Variants in ZCCHC14 observed in about 807,000 individuals in gnomAD.
ZCCHC14 encodes zinc finger CCHC domain-containing protein 14.
A neutral mutation model predicts 85.0 loss-of-function variants in ZCCHC14; 16 were observed. The ratio of observed to expected loss-of-function variants is 0.19; its 90% CI spans 0.13 to 0.29. ZCCHC14 has a LOEUF of 0.29. Among genes scored for constraint, ZCCHC14 ranks in the 10% least tolerant of loss-of-function variants. The pLI is 1.00. For synonymous variants in ZCCHC14, 775 were observed against 630.7 expected, an observed-to-expected ratio of 1.23 and a Z score of -3.43; for missense variants, 1,303 against 1,443.5, an observed-to-expected ratio of 0.90 and a Z score of 1.58.
intron 2 of ZCCHC14, among the ~76,000 whole-genome samples, chr16:87,434,050 G>T (rs1250500684): frequency 6.6e-6 from 1 of 152,206 alleles, no homozygotes; most frequent in Non-Finnish European, 1.5e-5. Flanking sequence ...TCTGGGAGCA[G>T]AGCCGGGCTG....
Position 87,420,768 on chromosome 16 carries a change from G to A in ZCCHC14, c.841-52C>T. The A allele has an allele frequency of 1.4e-6, 2 of 1,467,484 alleles. No individual in the cohort carries two copies. The highest frequency in any genetic ancestry group is 2.4e-5 in the East Asian group (1 of 41,362). The allele number at this position is 1,467,484 out of a possible 1,614,324, so 90.9% of individuals were successfully genotyped here. ...GTGTGTCCAGACCCATCCAACACCA[G>A]CAGAATTCTGCTACTGCAGGAAAAC... On this transcript the variant is annotated intron_variant, in intron 4 of 12. Transcript: ENST00000671377. This position sits in a 1 kb window ranked among gnomAD's most constrained non-coding sequence, Gnocchi z 5.0.
intron 2 of ZCCHC14, among the ~76,000 whole-genome samples, chr16:87,444,088 C>T (rs181296640): frequency 4.1e-3 from 601 of 148,242 alleles, no homozygotes; most frequent in Admixed American, 6.3e-3. Context: ...AACACAGAAA[C>T]GGCCCTGTGG....
At chr16:87,458,643 T>C (rs981748447) in intron 2 of ZCCHC14, among the ~76,000 whole-genome samples, 1 of 152,058 alleles carries the variant, frequency 6.6e-6, no homozygotes, top group Non-Finnish European at 1.5e-5. Context: ...AACGGGACTT[T>C]AGAAACAAAG....
chr16:87,411,497 G>A lies in ZCCHC14; in HGVS notation c.3205+19C>T, dbSNP rs751542688. The A allele has an allele frequency of 1.4e-5, 23 of 1,611,818 alleles. No individual in the cohort carries two copies. The highest frequency in any genetic ancestry group is 4.5e-5 in the East Asian group (2 of 44,868). ...GGTCCTGCGGGAGCCTGGTGGGCGC[G>A]GCCATGGCGCGCGCTTACCTGGCCG... On this transcript the variant is annotated intron_variant, in intron 12 of 12. Coordinates refer to ENST00000671377, the MANE Select transcript of ZCCHC14 (RefSeq NM_015144.3).
rs1309135289 is a variant in ZCCHC14, at chr16:87,412,427, G to A, written c.2294C>T (p.Thr765Ile). 1 of 1,614,068 alleles carries A rather than the reference G, an allele frequency of 6.2e-7. No homozygotes were observed. Among genetic ancestry groups the A allele is most frequent in the South Asian group, 1.1e-5 (1 of 91,076 alleles). Residue 765 changes from threonine to isoleucine, a missense_variant, in exon 12 of 13, where the codon ACA becomes ATA. Thr to Ile is a moderately conservative substitution (Grantham distance 89, BLOSUM62 -1). Coordinates refer to ENST00000671377, the MANE Select transcript of ZCCHC14 (RefSeq NM_015144.3). ...TSTAATGTPS[T>I]VLHAARPPIK... Reference sequence around the variant, plus strand: ...GGGCGGACGGGCGGCGTGGAGGACTGTGCTGGGCGTCCCCGTGGCGGCCGT... The same window carrying A: ...GGGCGGACGGGCGGCGTGGAGGACTATGCTGGGCGTCCCCGTGGCGGCCGT...
At chr16:87,414,579 C>A in intron 9 of ZCCHC14, 38 bp from the exon 10 acceptor site, 2 of 1,582,450 alleles carry the variant, frequency 1.3e-6, no homozygotes, top group East Asian at 4.5e-5. Context: ...GTGAGCACTG[C>A]CTACTGGTGC....
At chr16:87,460,396 G>A (rs1299111943) in intron 1 of ZCCHC14, among the ~76,000 whole-genome samples, 1 of 152,058 alleles carries the variant, frequency 6.6e-6, no homozygotes, top group East Asian at 1.9e-4. Context: ...CAGAAACTAT[G>A]GTAGCCAAAG....
At chr16:87,479,378 T>C (rs1331065944) in intron 1 of ZCCHC14, among the ~76,000 whole-genome samples, 5 of 150,792 alleles carry the variant, frequency 3.3e-5, no homozygotes, top group South Asian at 4.2e-4. Flanking sequence ...GATCGCACCA[T>C]TGCACTCCAG....
At chr16:87,431,748 G>C (rs1349439208) in intron 3 of ZCCHC14, among the ~76,000 whole-genome samples, 1 of 152,172 alleles carries the variant, frequency 6.6e-6, no homozygotes, top group African/African-American at 2.4e-5. Flanking sequence ...AGGAATGAAG[G>C]AAGGTGTCAC....
intron 2 of ZCCHC14, among the ~76,000 whole-genome samples, chr16:87,455,379 CAGTGA>C: frequency 6.6e-6 from 1 of 152,052 alleles, no homozygotes; most frequent in African/African-American, 2.4e-5. Flanking sequence ...ATGAACAACA[CAGTGA>C]CAAGAGGCTT....
In ZCCHC14 at chr16:87,412,957, C is replaced by A; in HGVS notation, c.1764G>T (p.Glu588Asp). Residue 588 changes from glutamate to aspartate, a missense_variant, in exon 12 of 13, where the codon GAG (glutamate) becomes GAT (aspartate). Glu to Asp is a conservative substitution (Grantham distance 45). Coordinates refer to ENST00000671377, the MANE Select transcript of ZCCHC14 (RefSeq NM_015144.3). ...ENDRRVEIHL[E>D]SSDKEKPVML... ...TCACCGGCTTCTCCTTGTCAGAGCT[C>A]TCCAAGTGAATCTCCACACCTAGAG... 1 of 1,610,210 alleles carries A rather than the reference C, an allele frequency of 6.2e-7. No individual in the cohort carries two copies. Among genetic ancestry groups the A allele is most frequent in the Non-Finnish European group, 8.5e-7 (1 of 1,178,040 alleles).
chr16:87,436,648 G>A (rs1909937385), intron 2 of ZCCHC14, among the ~76,000 whole-genome samples: 1 of 152,224 alleles, frequency 6.6e-6, no homozygotes, highest in African/African-American at 2.4e-5. Context: ...ATGGGCTGAT[G>A]GGTGCAGCAA....
At chr16:87,467,534 G>A in intron 1 of ZCCHC14, 1 of 1,601,986 alleles carries the variant, frequency 6.2e-7, no homozygotes. Flanking sequence ...AGTAGGATCA[G>A]AAGCCTATTT....
chr16:87,420,705 G>C lies in ZCCHC14; in HGVS notation c.852C>G (p.Leu284=), dbSNP rs774230304. The change falls in exon 5 of 13, where the codon CTC becomes CTG. Residue 284 remains leucine, a synonymous_variant. Transcript: ENST00000671377. The surrounding 1 kb of genome is among the most constrained non-coding windows in gnomAD (Gnocchi z 5.0). ...VTEFISKLCQ[L]YPEENLEKLI... ...GTTTCTCCAAGTTCTCTTCAGGATA[G>C]AGCTGACATAGCTGGAAGAGAGGAC... 1 of 1,612,938 alleles carries C rather than the reference G, an allele frequency of 6.2e-7. No homozygotes were observed. Among genetic ancestry groups the C allele is most frequent in the East Asian group, 2.2e-5 (1 of 44,864 alleles).
chr16:87,419,198 G>A (rs1283873307), intron 6 of ZCCHC14, among the ~76,000 whole-genome samples: 3 of 151,124 alleles, frequency 2.0e-5, no homozygotes, highest in Non-Finnish European at 4.4e-5. Context: ...GGGCAATCTC[G>A]GCTCACTGCA....
At chr16:87,471,729 A>G (rs143460736) in intron 1 of ZCCHC14, 50 of 152,316 alleles carry the variant, frequency 3.3e-4, no homozygotes, top group African/African-American at 1.2e-3. Context: ...CTGTAGAAAC[A>G]GAGGGAGTCT....
chr16:87,426,167 C>A (rs1039723145), intron 3 of ZCCHC14, among the ~76,000 whole-genome samples: 1 of 152,180 alleles, frequency 6.6e-6, no homozygotes, highest in African/African-American at 2.4e-5. Flanking sequence ...GCAGCAGCCA[C>A]GATCCAGACC....
intron 3 of ZCCHC14, among the ~76,000 whole-genome samples, chr16:87,429,709 C>G (rs1909554346): frequency 6.6e-6 from 1 of 151,848 alleles, no homozygotes; most frequent in South Asian, 2.1e-4. Context: ...TGGCTTCAAG[C>G]AATTCTCCTG....
Position 87,406,316 on chromosome 16 carries a change from T to G in ZCCHC14, c.*3964A>C, listed in dbSNP as rs1364744260. ...TAAAAACATTCTAAAAATGTACAAT[T>G]TGTCCTTTTTAACAAAGTATAATAA... On this transcript the variant is annotated 3_prime_UTR_variant, in exon 13 of 13. Coordinates refer to ENST00000671377, the MANE Select transcript of ZCCHC14 (RefSeq NM_015144.3). 2 of 152,614 alleles carry G rather than the reference T, an allele frequency of 1.3e-5. No individual in the cohort carries two copies. The highest frequency in any genetic ancestry group is 3.8e-4 in the East Asian group (2 of 5,202). 9.5% of individuals were successfully genotyped at this position (152,614 alleles called of 1,614,324 possible).
Sources: allele counts gnomAD v4.1 joint callset (sites outside exome capture counted in the v4.1 genomes callset), GRCh38; gene constraint gnomAD v4.1.1; non-coding constraint Gnocchi (gnomAD v3.1); transcripts MANE v1.5; gene names NCBI Gene and HGNC (gene_info 2026-07-23, HGNC 2026-07-21).